The following SNTG1 variants were observed in gnomAD, a reference collection of about 807,000 sequenced individuals.
SNTG1 encodes syntrophin gamma 1, also known as gamma-1-syntrophin.
SNTG1 carries 39 observed loss-of-function variants against 74.7 expected under a neutral mutation model. The ratio of observed to expected loss-of-function variants is 0.52; its 90% CI spans 0.40 to 0.68. The LOEUF is 0.68. Among genes scored for constraint, SNTG1 ranks in the 30% least tolerant of loss-of-function variants. The pLI, the probability that SNTG1 is intolerant of heterozygous loss-of-function variation, is 0.00. For synonymous variants in SNTG1, 254 were observed against 217.1 expected (o/e 1.17, Z -1.49); for missense variants, 685 against 609.5 (o/e 1.12, Z -1.30).
At chr8:49,963,710 T>C (rs1810897445) in intron 1 of SNTG1, among the ~76,000 whole-genome samples, 1 of 152,262 alleles carries the variant, frequency 6.6e-6, no homozygotes. Flanking sequence ...TACCTTCTGA[T>C]GATTGTTTAA....
intron 1 of SNTG1, among the ~76,000 whole-genome samples, chr8:50,091,535 C>A (rs900240934): frequency 1.3e-5 from 2 of 152,070 alleles, no homozygotes; most frequent in Non-Finnish European, 2.9e-5. Context: ...TGAGATCATG[C>A]AGCATTGTCT....
chr8:49,963,224 G>A (rs1810851853), intron 1 of SNTG1, among the ~76,000 whole-genome samples: 1 of 152,196 alleles, frequency 6.6e-6, no homozygotes, highest in South Asian at 2.1e-4. Context: ...TCCTCAGGAA[G>A]CAAAGCGCCA....
At chr8:49,973,090 A>G (rs1811854294) in intron 1 of SNTG1, among the ~76,000 whole-genome samples, 1 of 152,190 alleles carries the variant, frequency 6.6e-6, no homozygotes, top group South Asian at 2.1e-4. Flanking sequence ...CACTATTCAC[A>G]ATAGCAAAGA....
intron 2 of SNTG1, among the ~76,000 whole-genome samples, chr8:50,215,338 G>C (rs190157544): frequency 3.7e-4 from 55 of 150,144 alleles, no homozygotes; most frequent in Admixed American, 3.3e-3. Context: ...GGATACCTCA[G>C]TTTGAAGTGT....
At chr8:50,746,981 T>C (rs967220752) in intron 17 of SNTG1, among the ~76,000 whole-genome samples, 1 of 150,790 alleles carries the variant, frequency 6.6e-6, no homozygotes, top group Non-Finnish European at 1.5e-5. Flanking sequence ...GCAAGTTTAC[T>C]TTTTTTTAGT....
At chr8:49,994,168 T>C (rs1813960727) in intron 1 of SNTG1, among the ~76,000 whole-genome samples, 1 of 152,088 alleles carries the variant, frequency 6.6e-6, no homozygotes, top group South Asian at 2.1e-4. Flanking sequence ...TTCGTCTTAG[T>C]ATAATTGAGA....
chr8:50,043,580 C>T (rs1285081707), intron 1 of SNTG1, among the ~76,000 whole-genome samples: 1 of 152,184 alleles, frequency 6.6e-6, no homozygotes, highest in East Asian at 1.9e-4. Context: ...CCTGGCCTCA[C>T]ACTCTTGAAG....
chr8:50,521,837 A>G (rs1200282889), intron 9 of SNTG1, among the ~76,000 whole-genome samples: 1 of 152,046 alleles, frequency 6.6e-6, no homozygotes, highest in Non-Finnish European at 1.5e-5. Flanking sequence ...TCACATCTTC[A>G]AGCTCTACTT....
chr8:50,204,200 A>T (rs1479175758), intron 2 of SNTG1, among the ~76,000 whole-genome samples: 2 of 152,108 alleles, frequency 1.3e-5, no homozygotes, highest in East Asian at 3.9e-4. Flanking sequence ...GCCAAGTAAG[A>T]TTTATTTTCT....
chr8:50,734,322 A>G (rs147436068), intron 17 of SNTG1, among the ~76,000 whole-genome samples: 96 of 151,882 alleles, frequency 6.3e-4, no homozygotes, highest in African/African-American at 2.0e-3. Context: ...CATCTTCAGG[A>G]TAGTGACAGT....
At chr8:50,585,960 A>G (rs2094645606) in intron 12 of SNTG1, among the ~76,000 whole-genome samples, 1 of 152,214 alleles carries the variant, frequency 6.6e-6, no homozygotes, top group Non-Finnish European at 1.5e-5. Context: ...TACTATGTCC[A>G]ATTGATAAAC....
At chr8:50,401,028 A>G (rs1200512550) in intron 3 of SNTG1, among the ~76,000 whole-genome samples, 1 of 152,184 alleles carries the variant, frequency 6.6e-6, no homozygotes, top group Non-Finnish European at 1.5e-5. Context: ...TAATTACACA[A>G]TATATACATA....
intron 1 of SNTG1, among the ~76,000 whole-genome samples, chr8:50,050,358 G>A (rs1286027417): frequency 1.3e-5 from 2 of 151,744 alleles, no homozygotes; most frequent in African/African-American, 4.8e-5. Context: ...AGACAAAATG[G>A]ACCATCTTCT....
intron 2 of SNTG1, among the ~76,000 whole-genome samples, chr8:50,374,258 A>G (rs963582726): frequency 3.3e-5 from 5 of 152,206 alleles, no homozygotes; most frequent in African/African-American, 7.2e-5. Context: ...AGTGTGATCA[A>G]TTGTAGTTTC....
chr8:49,990,215 A>G (rs1447420446), intron 1 of SNTG1, among the ~76,000 whole-genome samples: 1 of 152,004 alleles, frequency 6.6e-6, no homozygotes, highest in Non-Finnish European at 1.5e-5. Context: ...AAAACTTATA[A>G]ATGAATTCAG....
intron 5 of SNTG1, among the ~76,000 whole-genome samples, chr8:50,441,386 C>T (rs1323836878): frequency 6.6e-6 from 1 of 152,090 alleles, no homozygotes; most frequent in Non-Finnish European, 1.5e-5. Flanking sequence ...TGGGACAAAA[C>T]GTGCAGGTGG....
chr8:50,167,249 G>A, intron 1 of SNTG1, among the ~76,000 whole-genome samples: 1 of 138,688 alleles, frequency 7.2e-6, no homozygotes. Context: ...ATGTGCACAT[G>A]TACCCTAAAA....
In SNTG1 at chr8:50,172,787, A is replaced by AC. The variant is rs5891353; in HGVS notation, c.-28+152_-28+153insC. Among the ~76,000 whole-genome samples the AC allele has an allele frequency of 4.8e-4, 70 of 145,380 alleles. No individual in the cohort carries two copies. In the East Asian group the frequency reaches 6.9e-3, roughly 14 times the overall value. On this transcript the variant is annotated intron_variant, in intron 2 of 18. Coordinates refer to ENST00000642720, the MANE Select transcript of SNTG1 (RefSeq NM_018967.5). ...TTCTTGAAAAATGACAAAAAAAAAA[A>AC]ACAAAACCTCTTGTTATGGAAGCAG...
chr8:50,787,130 A>G (rs2095677888), intron 18 of SNTG1, among the ~76,000 whole-genome samples: 1 of 151,002 alleles, frequency 6.6e-6, no homozygotes, highest in Non-Finnish European at 1.5e-5. Context: ...TTTTCAGAGA[A>G]AAAAAAAGAA....
Sources: allele counts gnomAD v4.1 joint callset (sites outside exome capture counted in the v4.1 genomes callset), GRCh38; gene constraint gnomAD v4.1.1; transcripts MANE v1.5; gene names NCBI Gene and HGNC (gene_info 2026-07-23, HGNC 2026-07-21).